Variants in PCDH15 observed in about 807,000 individuals in gnomAD.
PCDH15 encodes the protein protocadherin related 15.
Under a neutral mutation model 178.5 loss-of-function variants are expected in PCDH15, and 129 were observed. The observed-to-expected ratio is 0.72, with a 90% CI of 0.63 to 0.84. The LOEUF is 0.84. Ranked by LOEUF, PCDH15 falls within the 40% of genes least tolerant of loss-of-function variation. The pLI, the probability that PCDH15 is intolerant of heterozygous loss-of-function variation, is 0.00. For missense variants in PCDH15, 2,230 were observed against 2,099.9 expected (o/e 1.06, Z -1.21); for synonymous variants, 800 against 732.0 (o/e 1.09, Z -1.50).
intron 21 of PCDH15, among the ~76,000 whole-genome samples, chr10:53,992,474 A>T (rs2091587578): frequency 6.6e-6 from 1 of 152,212 alleles, no homozygotes; most frequent in Admixed American, 6.5e-5. Context: ...AATGGTACAA[A>T]TAATGCTTCA....
At chr10:55,622,054 G>T (rs1837404941) in intron 2 of PCDH15, among the ~76,000 whole-genome samples, 1 of 124,436 alleles carries the variant, frequency 8.0e-6, no homozygotes, top group African/African-American at 3.1e-5. Flanking sequence ...TATATAAATT[G>T]TATATATAAT....
At chr10:54,604,687 T>A (rs2092674940) in intron 2 of PCDH15, among the ~76,000 whole-genome samples, 1 of 151,970 alleles carries the variant, frequency 6.6e-6, no homozygotes. Flanking sequence ...AAGTTTTTAT[T>A]CTTTCAGCCA....
chr10:53,823,806 T>C, intron 32 of PCDH15: 1 of 456,574 alleles, frequency 2.2e-6, no homozygotes, highest in South Asian at 1.5e-5. Flanking sequence ...ACTTCTGTCC[T>C]AGAGCCAAAA....
chr10:55,558,654 A>T (rs1036159751), intron 2 of PCDH15, among the ~76,000 whole-genome samples: 2 of 152,152 alleles, frequency 1.3e-5, no homozygotes, highest in Non-Finnish European at 2.9e-5. Context: ...TAAACCAAAC[A>T]CTATACATAA....
intron 3 of PCDH15, among the ~76,000 whole-genome samples, chr10:54,512,382 T>TGC (rs1304972939): frequency 6.6e-6 from 1 of 151,446 alleles, no homozygotes; most frequent in Non-Finnish European, 1.5e-5. Flanking sequence ...TGTGTGTGTG[T>TGC]GTGTGTGTGT....
At chr10:54,012,044 A>G (rs1408434888) in intron 20 of PCDH15, among the ~76,000 whole-genome samples, 10 of 152,196 alleles carry the variant, frequency 6.6e-5, no homozygotes, top group African/African-American at 1.7e-4. Flanking sequence ...TAAGGATTAC[A>G]ATAAAACAAT....
At chr10:55,231,027 A>C (rs1385392907) in intron 1 of PCDH15, among the ~76,000 whole-genome samples, 6 of 151,996 alleles carry the variant, frequency 3.9e-5, no homozygotes, top group Non-Finnish European at 8.8e-5. Flanking sequence ...AAACAGTGTA[A>C]TTTACTTAAA....
chr10:54,037,561 C>A (rs1207899601), intron 18 of PCDH15, among the ~76,000 whole-genome samples: 2 of 151,722 alleles, frequency 1.3e-5, no homozygotes. Flanking sequence ...ATGCTAATTG[C>A]AGTATGGAGT....
chr10:54,647,254 T>C (rs2094149196), intron 2 of PCDH15, among the ~76,000 whole-genome samples: 1 of 152,038 alleles, frequency 6.6e-6, no homozygotes, highest in South Asian at 2.1e-4. Flanking sequence ...GAACAAATAC[T>C]GCATACTGCA....
intron 13 of PCDH15, among the ~76,000 whole-genome samples, chr10:54,170,474 A>G (rs1188410466): frequency 6.6e-6 from 1 of 151,818 alleles, no homozygotes; most frequent in Non-Finnish European, 1.5e-5. Context: ...CACTCTCTAC[A>G]GTTCTCATAA....
At chr10:55,405,910 T>G (rs1838187010) in intron 2 of PCDH15, among the ~76,000 whole-genome samples, 1 of 151,714 alleles carries the variant, frequency 6.6e-6, no homozygotes, top group Non-Finnish European at 1.5e-5. Context: ...CCAGGTAAGT[T>G]TAATAGGGTG....
At chr10:54,691,513 T>A (rs2095119821) in intron 1 of PCDH15, among the ~76,000 whole-genome samples, 1 of 151,836 alleles carries the variant, frequency 6.6e-6, no homozygotes. Context: ...GCATTAATTG[T>A]GAAAGCTTTC....
At chr10:55,258,134 A>G (rs1298560759) in intron 1 of PCDH15, among the ~76,000 whole-genome samples, 1 of 152,188 alleles carries the variant, frequency 6.6e-6, no homozygotes, top group Non-Finnish European at 1.5e-5. Context: ...TTTTGCTTGG[A>G]TTTAATCTTA....
At chr10:54,013,074 A>G (rs148544255) in intron 20 of PCDH15, among the ~76,000 whole-genome samples, 1 of 152,326 alleles carries the variant, frequency 6.6e-6, no homozygotes, top group Non-Finnish European at 1.5e-5. Context: ...AAGTCCACCA[A>G]GAAAACAGAA....
intron 15 of PCDH15, among the ~76,000 whole-genome samples, chr10:54,123,336 A>G (rs2041717247): frequency 6.6e-6 from 1 of 152,134 alleles, no homozygotes; most frequent in South Asian, 2.1e-4. Context: ...AAAAACAAAA[A>G]ATTCCATCAA....
In PCDH15 at chr10:54,663,315, C is replaced by T. The variant is rs141844370; in HGVS notation, c.91+857G>A. Among the ~76,000 whole-genome samples, 436 of 150,656 alleles carry T rather than the reference C, an allele frequency of 2.9e-3. 4 individuals carry two copies. The highest frequency in any genetic ancestry group is 9.5e-3 in the African/African-American group (389 of 41,052). On this transcript the variant is annotated intron_variant, in intron 2 of 37. Coordinates refer to ENST00000644397, the MANE Select transcript of PCDH15 (RefSeq NM_001384140.1). ...ATGCCAAACAAATCTTGAATAAGAA[C>T]GAGGAAAAGTTAAAAGAAAAGAAAG...
At chr10:55,271,782 T>C (rs1842451331) in intron 1 of PCDH15, among the ~76,000 whole-genome samples, 1 of 151,988 alleles carries the variant, frequency 6.6e-6, no homozygotes, top group African/African-American at 2.4e-5. Flanking sequence ...AGCTCAGACC[T>C]CCCCATCTCC....
intron 20 of PCDH15, among the ~76,000 whole-genome samples, chr10:54,013,406 A>G (rs1394473499): frequency 6.6e-6 from 1 of 152,210 alleles, no homozygotes; most frequent in Non-Finnish European, 1.5e-5. Context: ...GAACAAATGG[A>G]CATAATAGAC....
intron 3 of PCDH15, among the ~76,000 whole-genome samples, chr10:54,477,030 C>T (rs753252828): frequency 6.6e-6 from 1 of 152,164 alleles, no homozygotes; most frequent in South Asian, 2.1e-4. Flanking sequence ...CTCCTTAGTG[C>T]TACTGAGGGA....
Sources: allele counts gnomAD v4.1 joint callset (sites outside exome capture counted in the v4.1 genomes callset), GRCh38; gene constraint gnomAD v4.1.1; transcripts MANE v1.5; gene names NCBI Gene and HGNC (gene_info 2026-07-23, HGNC 2026-07-21).